Variants in HMBOX1 observed in about 807,000 individuals in gnomAD.
HMBOX1 encodes the protein homeobox-containing protein 1.
Under a neutral mutation model 54.5 loss-of-function variants are expected in HMBOX1, and 14 were observed. That is an observed-to-expected ratio of 0.26 (90% CI 0.17 to 0.40). The LOEUF is 0.40. Among genes scored for constraint, HMBOX1 ranks in the 10% least tolerant of loss-of-function variants. The pLI is 1.00. For synonymous variants in HMBOX1, 160 were observed against 181.0 expected (o/e 0.88, Z 0.93); for missense variants, 332 against 514.4 (o/e 0.65, Z 3.43).
intron 6 of HMBOX1, among the ~76,000 whole-genome samples, chr8:29,020,649 T>C (rs1361613906): frequency 1.3e-5 from 2 of 152,200 alleles, no homozygotes; most frequent in African/African-American, 2.4e-5. Context: ...GAGGATGTGG[T>C]TTATGCCAAT....
At chr8:28,926,438 A>G (rs1203571956) in intron 1 of HMBOX1, among the ~76,000 whole-genome samples, 1 of 152,228 alleles carries the variant, frequency 6.6e-6, no homozygotes, top group Non-Finnish European at 1.5e-5. Context: ...TACTTCTGCC[A>G]GAAAAAACTG....
chr8:28,962,448 A>G lies in HMBOX1; in HGVS notation c.-57-1363A>G, dbSNP rs147626490. 3.3e-3 allele frequency among the ~76,000 whole-genome samples: 494 copies of G among 150,590 alleles called. 3 individuals carry two copies. The highest frequency in any genetic ancestry group is 0.011 in the African/African-American group (468 of 40,950). The stretch of plus-strand genomic sequence containing the variant: ...GGAGCCTGACCTTTTTTCTGTATTC[A>G]TGGTGCATGCTACATGCTAAACATG... On this transcript the variant is annotated intron_variant, in intron 1 of 9. Coordinates refer to ENST00000287701, the MANE Select transcript of HMBOX1 (RefSeq NM_001135726.3).
chr8:28,918,990 A>C (rs1817070166), intron 1 of HMBOX1, among the ~76,000 whole-genome samples: 1 of 152,252 alleles, frequency 6.6e-6, no homozygotes, highest in African/African-American at 2.4e-5. Context: ...TAAATAGAAA[A>C]ATTAGGGAAT....
chr8:28,897,839 AATTG>A (rs1812463259), intron 1 of HMBOX1, among the ~76,000 whole-genome samples: 4 of 152,164 alleles, frequency 2.6e-5, no homozygotes, highest in African/African-American at 9.6e-5. Context: ...TTGTCAGATT[AATTG>A]ATTGTCAGCA....
Position 28,963,509 on chromosome 8 carries a change from C to T in HMBOX1, c.-57-302C>T, listed in dbSNP as rs541999513. ...TTTTAACTTTTGTCTAATTTATAAT[C>T]TTAGAGTTAATGGAAATCAGTGCCT... On this transcript the variant is annotated intron_variant, in intron 1 of 9. Coordinates refer to ENST00000287701, the MANE Select transcript of HMBOX1 (RefSeq NM_001135726.3). Among the ~76,000 whole-genome samples the T allele has an allele frequency of 3.9e-5, 6 of 152,250 alleles. No individual in the cohort carries two copies. The East Asian group carries it at 1.2e-3, about 29-fold the overall frequency.
chr8:28,992,619 C>T (rs1285211746), intron 4 of HMBOX1, among the ~76,000 whole-genome samples: 1 of 151,760 alleles, frequency 6.6e-6, no homozygotes, highest in Non-Finnish European at 1.5e-5. Context: ...GCCTGTAATC[C>T]CAGCACTCTG....
chr8:28,905,339 GCGCACACACA>G (rs900780068), intron 1 of HMBOX1, among the ~76,000 whole-genome samples: 1 of 152,050 alleles, frequency 6.6e-6, no homozygotes, highest in African/African-American at 2.4e-5. Flanking sequence ...GCGCGTGCAT[GCGCACACACA>G]CGCACGCACA....
At position 29,027,178 on chromosome 8, in the gene HMBOX1, G is replaced by C. The variant is rs141702104; in HGVS notation, c.851+8265G>C. 2.8e-3 allele frequency among the ~76,000 whole-genome samples: 425 copies of C among 152,310 alleles called. 3 individuals are homozygous for C. Among genetic ancestry groups the C allele is most frequent in the Middle Eastern group, 0.01 (3 of 294 alleles). On this transcript the variant is annotated intron_variant, in intron 6 of 9. Coordinates refer to ENST00000287701, the MANE Select transcript of HMBOX1 (RefSeq NM_001135726.3). ...TTCTCAAGGGGAAAAAAAGTCATCT[G>C]TAGTGTATGTCTGAAATATCTGCAT...
intron 6 of HMBOX1, among the ~76,000 whole-genome samples, chr8:29,029,677 G>C (rs1384092241): frequency 6.6e-6 from 1 of 152,156 alleles, no homozygotes; most frequent in Non-Finnish European, 1.5e-5. Context: ...CAGAATAAAT[G>C]AGATTAAGTT....
At chr8:28,912,232 C>T (rs963978527) in intron 1 of HMBOX1, among the ~76,000 whole-genome samples, 3 of 152,130 alleles carry the variant, frequency 2.0e-5, no homozygotes. Context: ...TGTGACCTTA[C>T]GCTAAGTTGA....
chr8:28,927,580 C>T (rs1400235447), intron 1 of HMBOX1, among the ~76,000 whole-genome samples: 1 of 151,880 alleles, frequency 6.6e-6, no homozygotes, highest in Non-Finnish European at 1.5e-5. Context: ...AGAACTCACT[C>T]ACTCCCTTGA....
chr8:28,953,868 G>T (rs1408658786), intron 1 of HMBOX1, among the ~76,000 whole-genome samples: 1 of 152,044 alleles, frequency 6.6e-6, no homozygotes, highest in Non-Finnish European at 1.5e-5. Flanking sequence ...AATAATAACT[G>T]ATTTTAAAGA....
intron 5 of HMBOX1, chr8:29,010,208 A>G: frequency 2.3e-6 from 2 of 886,756 alleles, no homozygotes; most frequent in Non-Finnish European, 2.7e-6. Flanking sequence ...TCAGATGTAC[A>G]GAAAATTCAA....
chr8:29,032,844 A>G lies in HMBOX1; in HGVS notation c.852-12517A>G, dbSNP rs975508047. Among the ~76,000 whole-genome samples, 6 of 152,154 alleles carry G rather than the reference A, an allele frequency of 3.9e-5. No homozygotes were observed. In the East Asian group the frequency reaches 1.2e-3, roughly 29 times the overall value. On this transcript the variant is annotated intron_variant, in intron 6 of 9. Transcript: ENST00000287701. ...CTCTTTCCCCCACCGTACATGTTAG[A>G]CTCAAGGTGGGAGATACGGTAGTGC...
At chr8:28,910,736 A>G (rs1238757811) in intron 1 of HMBOX1, among the ~76,000 whole-genome samples, 2 of 152,162 alleles carry the variant, frequency 1.3e-5, no homozygotes, top group Non-Finnish European at 2.9e-5. Flanking sequence ...ATTGAACTGT[A>G]AGAATTCTGT....
chr8:28,947,627 C>G (rs1285513960), intron 1 of HMBOX1, among the ~76,000 whole-genome samples: 2 of 152,178 alleles, frequency 1.3e-5, no homozygotes, highest in African/African-American at 4.8e-5. Flanking sequence ...AGAAATTCTA[C>G]CGTTAGCAAT....
At chr8:29,017,491 TAGC>T (rs1328973056) in intron 5 of HMBOX1, among the ~76,000 whole-genome samples, 2 of 152,192 alleles carry the variant, frequency 1.3e-5, no homozygotes, top group East Asian at 3.8e-4. Context: ...CTAAAAGTAG[TAGC>T]AGTGCAAGGA....
At chr8:29,014,859 T>C (rs1380392688) in intron 5 of HMBOX1, among the ~76,000 whole-genome samples, 2 of 152,116 alleles carry the variant, frequency 1.3e-5, no homozygotes, top group African/African-American at 4.8e-5. Flanking sequence ...TTTGTATTTT[T>C]AGTACAGACA....
chr8:28,917,368 A>G (rs759807247), intron 1 of HMBOX1, among the ~76,000 whole-genome samples: 1 of 152,216 alleles, frequency 6.6e-6, no homozygotes, highest in Non-Finnish European at 1.5e-5. Context: ...CATTGTTAAT[A>G]AGTAGAAATG....
Sources: gnomAD v4.1 joint callset for allele counts (sites outside exome capture counted in the v4.1 genomes callset) on GRCh38, gnomAD v4.1.1 for gene constraint, MANE v1.5 for transcripts, NCBI Gene and HGNC (gene_info 2026-07-23, HGNC 2026-07-21) for gene names.